NMNAT3: variants seen among roughly 807,000 people sequenced by gnomAD.
NMNAT3 encodes nicotinamide/nicotinic acid mononucleotide adenylyltransferase 3.
NMNAT3 carries 21 observed loss-of-function variants against 24.8 expected under a neutral mutation model. That is an observed-to-expected ratio of 0.85 (90% confidence interval 0.60 to 1.22). The LOEUF is 1.22. Among genes scored for constraint, NMNAT3 ranks in the 50% most tolerant of loss-of-function variants. NMNAT3 has a pLI of 0.00. For synonymous variants in NMNAT3, 136 were observed against 155.2 expected (o/e 0.88, Z 0.92); for missense variants, 387 against 436.6 (o/e 0.89, Z 1.01).
At chr3:139,616,455 C>G (rs2055507143) in intron 3 of NMNAT3, among the ~76,000 whole-genome samples, 1 of 152,088 alleles carries the variant, frequency 6.6e-6, no homozygotes, top group African/African-American at 2.4e-5. Flanking sequence ...TCTCATTTAC[C>G]CCTAAGGATA....
intron 1 of NMNAT3, among the ~76,000 whole-genome samples, chr3:139,643,278 T>C (rs900684831): frequency 2.0e-5 from 3 of 152,200 alleles, no homozygotes; most frequent in Non-Finnish European, 4.4e-5. Flanking sequence ...TGTAAAATGC[T>C]GCAGCTGCTA....
chr3:139,608,272 C>T (rs750361432), intron 3 of NMNAT3, among the ~76,000 whole-genome samples: 5 of 152,184 alleles, frequency 3.3e-5, no homozygotes, highest in Non-Finnish European at 5.9e-5. Context: ...TCAGAAGGGG[C>T]GCCCTAGTTG....
chr3:139,655,026 G>C (rs905215017), intron 1 of NMNAT3, among the ~76,000 whole-genome samples: 3 of 152,230 alleles, frequency 2.0e-5, no homozygotes, highest in Non-Finnish European at 4.4e-5. Context: ...GTCAGGTTAA[G>C]AGGGGGATGC....
intron 1 of NMNAT3, among the ~76,000 whole-genome samples, chr3:139,648,008 T>C (rs906411784): frequency 5.3e-5 from 8 of 152,180 alleles, no homozygotes; most frequent in African/African-American, 1.9e-4. Flanking sequence ...GCAAGTGGAA[T>C]AGGAGAGGGT....
At chr3:139,639,645 A>C (rs954939904) in intron 1 of NMNAT3, among the ~76,000 whole-genome samples, 4 of 152,212 alleles carry the variant, frequency 2.6e-5, no homozygotes, top group East Asian at 1.9e-4. Context: ...ATTGTAGCTC[A>C]GAAAATGGCA....
At chr3:139,619,355 G>C (rs1323529337) in intron 3 of NMNAT3, among the ~76,000 whole-genome samples, 1 of 152,114 alleles carries the variant, frequency 6.6e-6, no homozygotes, top group Non-Finnish European at 1.5e-5. Context: ...AGGCAAGAGG[G>C]TGATTGAGGT....
intron 1 of NMNAT3, among the ~76,000 whole-genome samples, chr3:139,675,409 C>T (rs967878262): frequency 6.6e-6 from 1 of 152,104 alleles, no homozygotes; most frequent in Non-Finnish European, 1.5e-5. Context: ...CAGTTAGAGA[C>T]ACATCATCAA....
At chr3:139,642,592 C>T (rs922977987) in intron 1 of NMNAT3, among the ~76,000 whole-genome samples, 1 of 152,196 alleles carries the variant, frequency 6.6e-6, no homozygotes, top group Non-Finnish European at 1.5e-5. Context: ...GACCTGAGAA[C>T]TTAACCTCAG....
intron 5 of NMNAT3, among the ~76,000 whole-genome samples, chr3:139,575,285 G>A (rs1939128092): frequency 1.3e-5 from 2 of 152,162 alleles, no homozygotes; most frequent in Non-Finnish European, 2.9e-5. Context: ...GCTGGACTCA[G>A]TGTTTTCATT....
intron 3 of NMNAT3, among the ~76,000 whole-genome samples, chr3:139,592,655 G>A (rs2054252523): frequency 6.6e-6 from 1 of 152,008 alleles, no homozygotes; most frequent in Non-Finnish European, 1.5e-5. Flanking sequence ...AGAGAGTGGG[G>A]GCCAATATTC....
intron 5 of NMNAT3, among the ~76,000 whole-genome samples, chr3:139,574,646 G>T (rs1463948606): frequency 6.6e-6 from 1 of 152,148 alleles, no homozygotes; most frequent in Non-Finnish European, 1.5e-5. Context: ...ATGCTTTTCA[G>T]CCAGAGTGGG....
At chr3:139,614,253 A>C (rs1008835533) in intron 3 of NMNAT3, among the ~76,000 whole-genome samples, 1 of 152,126 alleles carries the variant, frequency 6.6e-6, no homozygotes, top group African/African-American at 2.4e-5. Context: ...AAAAAAAAAA[A>C]AACTTTCAAT....
At chr3:139,640,760 G>A (rs1415066041) in intron 1 of NMNAT3, among the ~76,000 whole-genome samples, 3 of 152,098 alleles carry the variant, frequency 2.0e-5, no homozygotes, top group Admixed American at 6.5e-5. Context: ...CTCCAATTTC[G>A]TGTAATATAA....
intron 1 of NMNAT3, among the ~76,000 whole-genome samples, chr3:139,664,439 C>A (rs541392103): frequency 6.6e-6 from 1 of 152,248 alleles, no homozygotes; most frequent in East Asian, 1.9e-4. Flanking sequence ...TCCTGAAGAA[C>A]AAATCAGTTC....
In NMNAT3 at chr3:139,621,273, A is replaced by G. The variant is rs555098603; in HGVS notation, c.109+6343T>C. Among the ~76,000 whole-genome samples, 3 of 152,286 alleles carry G rather than the reference A, an allele frequency of 2.0e-5. No individual in the cohort carries two copies. In the South Asian group the frequency reaches 6.2e-4, roughly 32 times the overall value. On this transcript the variant is annotated intron_variant, in intron 3 of 6. Transcript: ENST00000643695. ...CGTGATCTTCATCTGCATTTCCCTA[A>G]TGCTATTGAGCATCTTTCCATATAC...
intron 3 of NMNAT3, among the ~76,000 whole-genome samples, chr3:139,624,788 A>C (rs2055978022): frequency 6.6e-6 from 1 of 152,092 alleles, no homozygotes; most frequent in Admixed American, 6.6e-5. Flanking sequence ...TTATTTTGGT[A>C]AATGTTCTGT....
intron 5 of NMNAT3, chr3:139,575,603 T>G: frequency 9.9e-7 from 1 of 1,008,750 alleles, no homozygotes; most frequent in Non-Finnish European, 1.2e-6. Context: ...CTAGTTCAGG[T>G]TGACCCTACT....
chr3:139,655,044 A>G (rs538659864), intron 1 of NMNAT3, among the ~76,000 whole-genome samples: 17 of 152,324 alleles, frequency 1.1e-4, no homozygotes, highest in African/African-American at 4.1e-4. Flanking sequence ...TGCTAAGAAG[A>G]AGTAACAGAT....
intron 1 of NMNAT3, among the ~76,000 whole-genome samples, chr3:139,655,699 CT>C (rs2108404845): frequency 6.6e-6 from 1 of 152,368 alleles, no homozygotes; most frequent in East Asian, 1.9e-4. Context: ...ACTGCTGCAT[CT>C]TTTGCCAATG....
Sources: gnomAD v4.1 joint callset for allele counts (sites outside exome capture counted in the v4.1 genomes callset) on GRCh38, gnomAD v4.1.1 for gene constraint, MANE v1.5 for transcripts, NCBI Gene and HGNC (gene_info 2026-07-23, HGNC 2026-07-21) for gene names.